The following GPC5 variants were observed in gnomAD, a reference collection of about 807,000 sequenced individuals.
GPC5 encodes the protein glypican 5.
A neutral mutation model predicts 53.9 loss-of-function variants in GPC5; 47 were observed. The ratio of observed to expected loss-of-function variants is 0.87; its 90% CI spans 0.69 to 1.11. The LOEUF (loss-of-function observed/expected upper bound fraction) is 1.11. GPC5 is among the 50% of genes most tolerant of loss of function. The pLI is 0.00. For missense variants in GPC5, 748 were observed against 713.1 expected (o/e 1.05, Z -0.56); for synonymous variants, 286 against 263.3 (o/e 1.09, Z -0.84).
chr13:91,863,570 A>G (rs9589363), intron 5 of GPC5, among the ~76,000 whole-genome samples: 2 of 151,832 alleles, frequency 1.3e-5, no homozygotes, highest in Non-Finnish European at 2.9e-5. Context: ...TTCTCTCTCT[A>G]TATATATTTT....
At chr13:92,600,720 G>A (rs1048227607) in intron 7 of GPC5, among the ~76,000 whole-genome samples, 2 of 150,544 alleles carry the variant, frequency 1.3e-5, no homozygotes, top group Non-Finnish European at 3.0e-5. Context: ...TTAGCCAGGC[G>A]AGTCTCAAAC....
intron 7 of GPC5, among the ~76,000 whole-genome samples, chr13:92,381,644 T>C (rs1269152042): frequency 6.6e-6 from 1 of 150,716 alleles, no homozygotes; most frequent in Non-Finnish European, 1.5e-5. Context: ...GCAATCCCAC[T>C]ACTGGGTATC....
intron 7 of GPC5, among the ~76,000 whole-genome samples, chr13:92,474,431 C>T (rs868433461): frequency 7.2e-5 from 11 of 151,972 alleles, no homozygotes; most frequent in Middle Eastern, 3.4e-3. Context: ...AGATACTGAT[C>T]GGGAGGAGTC....
At chr13:92,534,159 A>T (rs1055405364) in intron 7 of GPC5, among the ~76,000 whole-genome samples, 18 of 151,862 alleles carry the variant, frequency 1.2e-4, no homozygotes, top group African/African-American at 3.1e-4. Context: ...GCAGAGTGCC[A>T]CTCTGTTGTC....
At chr13:91,513,710 C>T (rs530709029) in intron 2 of GPC5, among the ~76,000 whole-genome samples, 5 of 152,180 alleles carry the variant, frequency 3.3e-5, no homozygotes, top group East Asian at 3.9e-4. Context: ...TGCTGCACTC[C>T]AGCCTGGGCA....
At chr13:92,336,565 A>G (rs886429626) in intron 7 of GPC5, among the ~76,000 whole-genome samples, 58 of 152,200 alleles carry the variant, frequency 3.8e-4, no homozygotes, top group African/African-American at 1.3e-3. Flanking sequence ...CTGAGTAGAG[A>G]TGGAATTTTT....
chr13:92,126,688 G>A (rs1314070134), intron 6 of GPC5, among the ~76,000 whole-genome samples: 3 of 152,158 alleles, frequency 2.0e-5, no homozygotes, highest in Non-Finnish European at 4.4e-5. Flanking sequence ...GACAGGAAAT[G>A]TTTGTCAATC....
rs977563835 is a variant in GPC5, at chr13:91,853,527, C to A, written c.1281-54410C>A. ...ACAGCTTCCACTGGTTTAGATACAG[C>A]TAAAGAATTAACAGAGGATTGGTTG... On this transcript the variant is annotated intron_variant, in intron 5 of 7. Coordinates refer to ENST00000377067, the MANE Select transcript of GPC5 (RefSeq NM_004466.6). Among the ~76,000 whole-genome samples, 28 of 151,920 alleles carry A rather than the reference C, an allele frequency of 1.8e-4. 1 individual carries two copies. Among genetic ancestry groups the A allele is most frequent in the African/African-American group, 4.8e-4 (20 of 41,504 alleles).
chr13:92,468,776 A>G (rs1566603722), intron 7 of GPC5, among the ~76,000 whole-genome samples: 1 of 152,144 alleles, frequency 6.6e-6, no homozygotes, highest in African/African-American at 2.4e-5. Context: ...GCACCCTTGC[A>G]ATCATGCTCT....
At chr13:92,626,170 T>C (rs1020357187) in intron 7 of GPC5, among the ~76,000 whole-genome samples, 2 of 152,206 alleles carry the variant, frequency 1.3e-5, no homozygotes, top group African/African-American at 4.8e-5. Context: ...CTGATGAAGC[T>C]AAAAATAATT....
At chr13:91,537,299 A>T (rs1316269669) in intron 2 of GPC5, among the ~76,000 whole-genome samples, 1 of 152,182 alleles carries the variant, frequency 6.6e-6, no homozygotes, top group Non-Finnish European at 1.5e-5. Context: ...AGATAGACTG[A>T]ACAAGAAAAA....
intron 7 of GPC5, among the ~76,000 whole-genome samples, chr13:92,547,996 ATTTT>A (rs35318055): frequency 7.3e-6 from 1 of 136,214 alleles, no homozygotes; most frequent in Non-Finnish European, 1.6e-5. Flanking sequence ...CGCCTGGCTA[ATTTT>A]TTTTTTTTTT....
At chr13:92,748,968 G>A (rs921746569) in intron 7 of GPC5, among the ~76,000 whole-genome samples, 9 of 152,112 alleles carry the variant, frequency 5.9e-5, no homozygotes, top group Non-Finnish European at 1.3e-4. Flanking sequence ...AAGAATATCA[G>A]TTTCTGTGTT....
chr13:92,589,891 T>C (rs112785157), intron 7 of GPC5, among the ~76,000 whole-genome samples: 2,978 of 152,286 alleles, frequency 0.02, 86 homozygotes, highest in African/African-American at 0.056. Context: ...AAAATATACA[T>C]GTACTAAGAA....
chr13:92,284,398 G>A (rs1351641231), intron 7 of GPC5, among the ~76,000 whole-genome samples: 3 of 152,150 alleles, frequency 2.0e-5, no homozygotes, highest in Non-Finnish European at 4.4e-5. Flanking sequence ...TATGAGGCCA[G>A]CATCATCCTG....
At chr13:92,330,129 T>C (rs1348049150) in intron 7 of GPC5, among the ~76,000 whole-genome samples, 3 of 152,150 alleles carry the variant, frequency 2.0e-5, no homozygotes, top group Admixed American at 2.0e-4. Flanking sequence ...CAATCACCAT[T>C]TGGAGAAAAG....
chr13:92,069,176 T>C (rs529694576), intron 6 of GPC5, among the ~76,000 whole-genome samples: 1 of 152,246 alleles, frequency 6.6e-6, no homozygotes, highest in African/African-American at 2.4e-5. Context: ...TGCTTATAAA[T>C]ATGAGGTTTA....
At chr13:92,058,285 C>T (rs1310321208) in intron 6 of GPC5, among the ~76,000 whole-genome samples, 1 of 152,082 alleles carries the variant, frequency 6.6e-6, no homozygotes, top group African/African-American at 2.4e-5. Context: ...CCTTGGCCTC[C>T]CGTAGTGGTG....
intron 7 of GPC5, among the ~76,000 whole-genome samples, chr13:92,709,959 A>G (rs1252263452): frequency 6.6e-6 from 1 of 152,140 alleles, no homozygotes; most frequent in Non-Finnish European, 1.5e-5. Flanking sequence ...AGAAGACTGA[A>G]TTTGTTCAAA....
Sources: gnomAD v4.1 joint callset for allele counts (sites outside exome capture counted in the v4.1 genomes callset) on GRCh38, gnomAD v4.1.1 for gene constraint, MANE v1.5 for transcripts, NCBI Gene and HGNC (gene_info 2026-07-23, HGNC 2026-07-21) for gene names.